The following AKAP11 variants were observed in gnomAD, a reference collection of about 807,000 sequenced individuals.
AKAP11 encodes A-kinase anchoring protein 11.
Under a neutral mutation model 146.1 loss-of-function variants are expected in AKAP11, and 36 were observed. That is an observed-to-expected ratio of 0.25 (90% CI 0.19 to 0.33). The LOEUF is 0.33. Among genes scored for constraint, AKAP11 ranks in the 10% least tolerant of loss-of-function variants. The pLI, the probability that AKAP11 is intolerant of heterozygous loss-of-function variation, is 1.00. For synonymous variants in AKAP11, 780 were observed against 786.5 expected (o/e 0.99, Z 0.14); for missense variants, 2,201 against 2,197.0 (o/e 1.00, Z -0.04).
In AKAP11 at chr13:42,297,152, A is replaced by G. The variant is rs757346572; in HGVS notation, c.321A>G (p.Pro107=). 19 of 1,556,692 alleles carry G rather than the reference A, an allele frequency of 1.2e-5. No individual in the cohort carries two copies. Among genetic ancestry groups the G allele is most frequent in the Non-Finnish European group, 1.4e-5 (16 of 1,147,826 alleles). Residue 107 remains proline (P), a synonymous_variant, in exon 6 of 13, where the codon CCA becomes CCG. Coordinates refer to ENST00000025301, the MANE Select transcript of AKAP11 (RefSeq NM_016248.4). The part of the protein sequence containing the change: ...EIICMKNINK[P]LDISSDPLNQ... ...TTTGTATGAAGAATATAAATAAACC[A>G]TTAGATATAAGCAGTGATCCTCTAA...
At chr13:42,277,509 T>C (rs550709858) in intron 1 of AKAP11, among the ~76,000 whole-genome samples, 14 of 152,334 alleles carry the variant, frequency 9.2e-5, no homozygotes, top group African/African-American at 3.4e-4. Flanking sequence ...AAACATACCT[T>C]ATAAGTAGAT....
rs1960399376 is a variant in AKAP11, at chr13:42,308,576, A to G, written c.5240A>G (p.Asp1747Gly). 1.2e-6 allele frequency: 2 copies of G among 1,613,148 alleles called. No individual in the cohort carries two copies. Among genetic ancestry groups the G allele is most frequent in the South Asian group, 1.1e-5 (1 of 90,962 alleles). The change falls in exon 9 of 13, where the codon GAT becomes GGT. Residue 1747 changes from aspartate to glycine, a missense_variant. This residue lies in a region of AKAP11 where 1,867 missense variants were observed against 1,833.5 expected (regional missense o/e 1.02). Coordinates refer to ENST00000025301, the MANE Select transcript of AKAP11 (RefSeq NM_016248.4). ...SNLSFEDEHQ[D>G]ESSSFHHLSE... is the part of the protein sequence containing the mutation. ...TTAAGTTTTGAAGATGAACACCAAG[A>G]TGAAAGCAGCAGTTTTCATCATCTA...
At chr13:42,305,425 TTC>T (rs1393091472) in intron 8 of AKAP11, among the ~76,000 whole-genome samples, 1 of 152,170 alleles carries the variant, frequency 6.6e-6, no homozygotes, top group Non-Finnish European at 1.5e-5. Flanking sequence ...GCAGCCTTCT[TTC>T]TCCTAGACCA....
At position 42,310,670 on chromosome 13, in the gene AKAP11, G is replaced by C. The variant is rs370042439; in HGVS notation, c.5273+2061G>C. ...GGTCAGGAGTTCAAGACCAGCCTGGGCAACATGGTGAAACCCCGTCTCTAC... is the reference window on the plus strand; with the variant it reads ...GGTCAGGAGTTCAAGACCAGCCTGGCCAACATGGTGAAACCCCGTCTCTAC... On this transcript the variant is annotated intron_variant, in intron 9 of 12. Transcript: ENST00000025301. 2.6e-4 allele frequency among the ~76,000 whole-genome samples: 39 copies of C among 152,046 alleles called. No individual in the cohort carries two copies. In the South Asian group the frequency reaches 8.1e-3, roughly 32 times the overall value.
At chr13:42,285,270 C>CTGG (rs1194988744) in intron 1 of AKAP11, among the ~76,000 whole-genome samples, 19 of 152,216 alleles carry the variant, frequency 1.2e-4, no homozygotes, top group Admixed American at 4.6e-4. Flanking sequence ...CTTTGAACTC[C>CTGG]TGGGCTCAAG....
At chr13:42,299,254 G>C in intron 7 of AKAP11, 109 bp from the exon 8 acceptor site, 2 of 871,272 alleles carry the variant, frequency 2.3e-6, no homozygotes, top group East Asian at 5.3e-5. Context: ...TAGTTTAGAA[G>C]ATACACATAA....
chr13:42,315,040 T>G (rs1960754279), intron 11 of AKAP11, among the ~76,000 whole-genome samples: 1 of 152,184 alleles, frequency 6.6e-6, no homozygotes, highest in African/African-American at 2.4e-5. Flanking sequence ...TAAAGTGCAC[T>G]TATAAAAGTA....
At chr13:42,281,352 T>TG (rs1959054064) in intron 1 of AKAP11, among the ~76,000 whole-genome samples, 1 of 152,106 alleles carries the variant, frequency 6.6e-6, no homozygotes. Context: ...GATCTTCTGG[T>TG]GGGGGAGTTG....
chr13:42,283,292 A>G (rs974231672), intron 1 of AKAP11, among the ~76,000 whole-genome samples: 1 of 152,230 alleles, frequency 6.6e-6, no homozygotes, highest in African/African-American at 2.4e-5. Context: ...GAGTGTAAAT[A>G]TAGAATTAAA....
chr13:42,316,594 T>A (rs1960831861), intron 11 of AKAP11, among the ~76,000 whole-genome samples: 1 of 152,202 alleles, frequency 6.6e-6, no homozygotes, highest in African/African-American at 2.4e-5. Flanking sequence ...TGGTTGCATA[T>A]GGCATTTCCC....
intron 4 of AKAP11, 128 bp from the exon 5 acceptor site, chr13:42,295,567 G>T: frequency 1.2e-6 from 1 of 858,004 alleles, no homozygotes. Context: ...GGTCATCTTT[G>T]AAAAAAATCC....
In AKAP11 at chr13:42,302,999, A is replaced by G. The variant is rs1178882304; in HGVS notation, c.4253A>G (p.His1418Arg). ...ELLMFSNKEH[H>R]QEADKKRQSK... is the part of the protein sequence containing the mutation. ...TTAATGTTTTCAAACAAAGAGCACC[A>G]CCAAGAAGCAGACAAAAAGAGACAA... The change falls in exon 8 of 13, where the codon CAC becomes CGC. Residue 1418 changes from histidine (H) to arginine (R), a missense_variant. Coordinates refer to ENST00000025301, the MANE Select transcript of AKAP11 (RefSeq NM_016248.4). 8.7e-6 allele frequency: 14 copies of G among 1,613,702 alleles called. No homozygotes were observed. The highest frequency in any genetic ancestry group is 1.2e-5 in the Non-Finnish European group (14 of 1,179,966).
In AKAP11 at chr13:42,281,980, CT is replaced by C. The variant is rs374402483; in HGVS notation, c.-99-3990del. On this transcript the variant is annotated intron_variant, in intron 1 of 12. Transcript: ENST00000025301. ...TGTGTCTGTATATAATTTTTTCTTT[CT>C]TTTTTTTTTTTTTTTGAGACTCTGT... Among the ~76,000 whole-genome samples the C allele has an allele frequency of 6.7e-3, 942 of 141,362 alleles. 10 individuals are homozygous for C. The highest frequency in any genetic ancestry group is 0.02 in the African/African-American group (776 of 38,662). 92.7% of individuals were successfully genotyped at this position (141,362 alleles called of 152,430 possible).
Position 42,302,056 on chromosome 13 carries a change from A to G in AKAP11, c.3310A>G (p.Thr1104Ala), listed in dbSNP as rs1245480414. 1 of 1,614,004 alleles carries G rather than the reference A, an allele frequency of 6.2e-7. No individual in the cohort carries two copies. Among genetic ancestry groups the G allele is most frequent in the Non-Finnish European group, 8.5e-7 (1 of 1,179,978 alleles). Reference protein sequence around the residue: ...RNVIPDTPPSTPLVPSRASSE... With the variant: ...RNVIPDTPPSAPLVPSRASSE... ...TGTAATACCTGATACTCCTCCATCA[A>G]CTCCTCTAGTACCATCCCGGGCTAG... The change falls in exon 8 of 13, where the codon ACT becomes GCT. Residue 1104 changes from threonine (T) to alanine (A), a missense_variant. By Grantham distance (58) the Thr-to-Ala change is moderately conservative. Around this residue, in one of 3 missense-constraint regions of AKAP11, gnomAD observed 1,867 missense variants for 1,833.5 expected, o/e 1.02. Coordinates refer to ENST00000025301, the MANE Select transcript of AKAP11 (RefSeq NM_016248.4).
chr13:42,312,568 TAGA>T (rs1418873763), intron 9 of AKAP11, among the ~76,000 whole-genome samples: 2 of 152,246 alleles, frequency 1.3e-5, no homozygotes, highest in Non-Finnish European at 2.9e-5. Flanking sequence ...TATGTCTTTA[TAGA>T]GTCTTCCATC....
chr13:42,298,926 T>C, intron 7 of AKAP11, 129 bp downstream of exon 7: 1 of 951,986 alleles, frequency 1.1e-6, no homozygotes, highest in Non-Finnish European at 1.5e-6. Flanking sequence ...TTTAACTTTT[T>C]TTCTGATTAC....
chr13:42,307,121 G>A (rs150553589), intron 8 of AKAP11, among the ~76,000 whole-genome samples: 2 of 152,196 alleles, frequency 1.3e-5, no homozygotes, highest in East Asian at 3.9e-4. Context: ...TGAGAATGTG[G>A]CACATATTAG....
chr13:42,313,486 A>G (rs1241149147), intron 10 of AKAP11, among the ~76,000 whole-genome samples: 2 of 152,198 alleles, frequency 1.3e-5, no homozygotes, highest in Admixed American at 6.5e-5. Flanking sequence ...TAAGAAAAGT[A>G]TAGGTAAAAA....
chr13:42,280,232 G>A (rs945666954), intron 1 of AKAP11, among the ~76,000 whole-genome samples: 7 of 152,114 alleles, frequency 4.6e-5, no homozygotes, highest in African/African-American at 1.4e-4. Context: ...TCACAATCCC[G>A]TGTTCCCTGT....
Sources: allele counts gnomAD v4.1 joint callset (sites outside exome capture counted in the v4.1 genomes callset), GRCh38; gene constraint gnomAD v4.1.1; regional missense constraint gnomAD v4.1.1; transcripts MANE v1.5; gene names NCBI Gene and HGNC (gene_info 2026-07-23, HGNC 2026-07-21).